Variants in KLRG1 observed in about 807,000 individuals in gnomAD.
KLRG1 encodes the protein killer cell lectin-like receptor subfamily G member 1.
In KLRG1, 16 loss-of-function variants were observed where a neutral mutation model predicts 21.8. That is an observed-to-expected ratio of 0.73 (90% CI 0.50 to 1.11). The LOEUF (loss-of-function observed/expected upper bound fraction) is 1.11, where lower values mean the gene tolerates loss of function less well. Ranked by LOEUF, KLRG1 falls within the 50% of genes most tolerant of loss-of-function variation. KLRG1 has a pLI of 0.00. For synonymous variants in KLRG1, 69 were observed against 75.9 expected (o/e 0.91, Z 0.47); for missense variants, 173 against 218.3 (o/e 0.79, Z 1.31).
intron 2 of KLRG1, among the ~76,000 whole-genome samples, chr12:8,992,711 T>G (rs11048414): frequency 1.3e-5 from 2 of 150,942 alleles, no homozygotes; most frequent in Non-Finnish European, 3.0e-5. Context: ...TATTATTATT[T>G]TTTTTTTTTT....
At chr12:9,149,869 T>C in the KLRG1 span, among the ~76,000 whole-genome samples, 1 of 152,210 alleles carries the variant, frequency 6.6e-6, no homozygotes, top group Non-Finnish European at 1.5e-5. Flanking sequence ...CACTAACCTG[T>C]AGTTCTCTCT....
At chr12:9,098,447 T>A in the KLRG1 span, 25 of 311,158 alleles carry the variant, frequency 8.0e-5, no homozygotes, top group East Asian at 2.3e-4. Flanking sequence ...TATATATATA[T>A]ATAATTCCTT....
chr12:8,984,098 T>C (rs1425627530), intron 1 of KLRG1, among the ~76,000 whole-genome samples: 1 of 152,188 alleles, frequency 6.6e-6, no homozygotes, highest in African/African-American at 2.4e-5. Context: ...TTTTCTCCCA[T>C]TTTTTCCCTC....
At chr12:9,076,851 G>A in the KLRG1 span, 6 of 1,613,970 alleles carry the variant, frequency 3.7e-6, no homozygotes, top group Non-Finnish European at 5.1e-6. Flanking sequence ...CAGTGCTTTG[G>A]TATATACATG....
the KLRG1 span, among the ~76,000 whole-genome samples, chr12:9,196,129 C>A: frequency 6.6e-6 from 1 of 152,096 alleles, no homozygotes; most frequent in Non-Finnish European, 1.5e-5. Flanking sequence ...AAAATATTAT[C>A]TCTGATTCTC....
intron 1 of KLRG1, among the ~76,000 whole-genome samples, chr12:8,979,383 C>A (rs1434570943): frequency 6.6e-6 from 1 of 152,262 alleles, no homozygotes; most frequent in East Asian, 1.9e-4. Flanking sequence ...TTTTCTCTTT[C>A]AGTGCTTTGA....
At chr12:8,983,621 G>A (rs761042679) in intron 1 of KLRG1, among the ~76,000 whole-genome samples, 1 of 151,896 alleles carries the variant, frequency 6.6e-6, no homozygotes, top group Non-Finnish European at 1.5e-5. Flanking sequence ...GGCTGGTCTC[G>A]AACTGGTGAG....
chr12:9,158,028 A>T, the KLRG1 span, among the ~76,000 whole-genome samples: 1 of 152,174 alleles, frequency 6.6e-6, no homozygotes, highest in Admixed American at 6.5e-5. Flanking sequence ...ATCACACATG[A>T]CAGCCTCAAG....
the KLRG1 span, chr12:9,182,179 G>A: frequency 4.9e-6 from 1 of 203,838 alleles, no homozygotes; most frequent in Non-Finnish European, 7.9e-6. Context: ...CATAAAAATA[G>A]TGTCATAAGG....
the KLRG1 span, among the ~76,000 whole-genome samples, chr12:9,116,853 T>C: frequency 1.3e-5 from 2 of 152,252 alleles, no homozygotes; most frequent in East Asian, 3.9e-4. Context: ...GAAAAACAAC[T>C]ACTGTATAAA....
the KLRG1 span, chr12:9,169,086 G>A: frequency 1.3e-5 from 9 of 709,668 alleles, no homozygotes; most frequent in Admixed American, 2.2e-4. Context: ...TAATTCTATG[G>A]CGAAACACTT....
the KLRG1 span, chr12:9,166,058 G>C: frequency 6.2e-7 from 1 of 1,605,732 alleles, no homozygotes; most frequent in East Asian, 2.2e-5. Context: ...TTACTTCACT[G>C]CCACCAACTC....
At chr12:9,012,372 G>A (rs1947643981), downstream of KLRG1, among the ~76,000 whole-genome samples, 1 of 152,184 alleles carries the variant, frequency 6.6e-6, no homozygotes, top group African/African-American at 2.4e-5. Flanking sequence ...GACCCACTCT[G>A]GACCAGAAAG....
At chr12:9,032,633 A>C in the KLRG1 span, among the ~76,000 whole-genome samples, 1 of 152,228 alleles carries the variant, frequency 6.6e-6, no homozygotes, top group South Asian at 2.1e-4. Context: ...AGGCAAAGTG[A>C]AACGATAACC....
chr12:9,201,328 T>C, the KLRG1 span: 1 of 1,548,740 alleles, frequency 6.5e-7, no homozygotes, highest in Non-Finnish European at 8.9e-7. Flanking sequence ...GATACTTACC[T>C]CAAGGTATAT....
At chr12:9,021,162 T>TA in the KLRG1 span, among the ~76,000 whole-genome samples, 10 of 152,132 alleles carry the variant, frequency 6.6e-5, no homozygotes, top group South Asian at 2.1e-3. Flanking sequence ...GTATAAAAGA[T>TA]AAAAAACGGT....
the KLRG1 span, chr12:9,163,714 G>C: frequency 6.2e-7 from 1 of 1,613,920 alleles, no homozygotes; most frequent in Non-Finnish European, 8.5e-7. Context: ...TTTAATCTCA[G>C]GGACCTCAAC....
At chr12:9,173,650 C>G in the KLRG1 span, among the ~76,000 whole-genome samples, 1 of 152,098 alleles carries the variant, frequency 6.6e-6, no homozygotes, top group Admixed American at 6.6e-5. Flanking sequence ...GGGAATATCA[C>G]CACTGACCTC....
the KLRG1 span, among the ~76,000 whole-genome samples, chr12:9,097,103 T>C: frequency 6.6e-6 from 1 of 152,204 alleles, no homozygotes; most frequent in Admixed American, 6.5e-5. Context: ...AGGGTTGTTA[T>C]AATTTGAAAA....
Sources: gnomAD v4.1 joint callset for allele counts (sites outside exome capture counted in the v4.1 genomes callset) on GRCh38, gnomAD v4.1.1 for gene constraint, MANE v1.5 for transcripts, NCBI Gene and HGNC (gene_info 2026-07-23, HGNC 2026-07-21) for gene names.